Variants in CYB5A observed in about 807,000 individuals in gnomAD.
The protein encoded by CYB5A is cytochrome b5.
Under a neutral mutation model 16.2 loss-of-function variants are expected in CYB5A, and 10 were observed. The observed-to-expected ratio is 0.62, with a 90% confidence interval of 0.38 to 1.04. The LOEUF is 1.04. Ranked by LOEUF, CYB5A falls within the 50% of genes least tolerant of loss-of-function variation. The pLI is 0.01. For synonymous variants in CYB5A, 62 were observed against 57.0 expected, an observed-to-expected ratio of 1.09 and a Z score of -0.40; for missense variants, 161 against 165.9, an observed-to-expected ratio of 0.97 and a Z score of 0.16.
intron 1 of CYB5A, among the ~76,000 whole-genome samples, chr18:74,269,495 A>T (rs561161184): frequency 1.3e-5 from 2 of 152,246 alleles, no homozygotes; most frequent in South Asian, 4.2e-4. Context: ...GAAGAGCCCC[A>T]GGTCCCTCCC....
At chr18:74,255,492 A>C (rs1193265317) in intron 4 of CYB5A, among the ~76,000 whole-genome samples, 1 of 152,136 alleles carries the variant, frequency 6.6e-6, no homozygotes, top group Non-Finnish European at 1.5e-5. Flanking sequence ...AAGGAAATGC[A>C]ATTGTTCTGT....
At chr18:74,290,307 C>T (rs1429086553) in intron 1 of CYB5A, among the ~76,000 whole-genome samples, 1 of 152,104 alleles carries the variant, frequency 6.6e-6, no homozygotes, top group Non-Finnish European at 1.5e-5. Flanking sequence ...CAAAGTGGTG[C>T]GATTTCGGCT....
chr18:74,291,633 G>C, intron 1 of CYB5A, 114 bp downstream of exon 1: 1 of 1,497,546 alleles, frequency 6.7e-7, no homozygotes, highest in Non-Finnish European at 9.1e-7. Context: ...GAACTCGGGG[G>C]GCGCGCCTAG....
At chr18:74,285,810 C>T (rs1210336633) in intron 1 of CYB5A, among the ~76,000 whole-genome samples, 1 of 148,270 alleles carries the variant, frequency 6.7e-6, no homozygotes, top group Non-Finnish European at 1.5e-5. Context: ...TGAGATCACA[C>T]CACGGCCTGG....
At chr18:74,271,801 T>G (rs1483673481) in intron 1 of CYB5A, among the ~76,000 whole-genome samples, 3 of 152,120 alleles carry the variant, frequency 2.0e-5, no homozygotes, top group Admixed American at 1.3e-4. Context: ...CAAACAAAAC[T>G]ACTCTGGCAT....
chr18:74,279,498 C>T (rs1490891327), intron 1 of CYB5A, among the ~76,000 whole-genome samples: 1 of 152,060 alleles, frequency 6.6e-6, no homozygotes, highest in African/African-American at 2.4e-5. Flanking sequence ...CCACTGCACT[C>T]CAGCCTGGGC....
Position 74,252,860 on chromosome 18 carries a change from C to T in CYB5A, c.*724G>A, listed in dbSNP as rs1790869. The T allele has an allele frequency of 0.96, 146,963 of 152,390 alleles. 71,079 individuals carry two copies. Among genetic ancestry groups the T allele is most frequent in the East Asian group, 1 (5,178 of 5,178 alleles). The allele number at this position is 152,390 out of a possible 1,614,324, so 9.4% of individuals were successfully genotyped here. A position where few individuals can be genotyped will look rare whatever the true frequency, so the allele number is the denominator to read the frequency against. On this transcript the variant is annotated 3_prime_UTR_variant, in exon 5 of 5. Coordinates refer to ENST00000340533, the MANE Select transcript of CYB5A (RefSeq NM_148923.4). Reference sequence around the variant, plus strand: ...CCGGGATTACAGGCATGCGCCACTACGCCCTGCTAATTTTGTATTTTTAGT... The same window carrying T: ...CCGGGATTACAGGCATGCGCCACTATGCCCTGCTAATTTTGTATTTTTAGT...
intron 2 of CYB5A, 79 bp downstream of exon 2, chr18:74,263,270 C>A: frequency 6.4e-7 from 1 of 1,559,994 alleles, no homozygotes. Flanking sequence ...AATGTGTATA[C>A]ATGCAAGCTT....
intron 1 of CYB5A, among the ~76,000 whole-genome samples, chr18:74,286,781 A>AT (rs1429430555): frequency 6.6e-6 from 1 of 152,234 alleles, no homozygotes; most frequent in Non-Finnish European, 1.5e-5. Flanking sequence ...AATACCAGAC[A>AT]TTCACATTCA....
intron 1 of CYB5A, among the ~76,000 whole-genome samples, chr18:74,276,949 A>C (rs1479463610): frequency 2.6e-5 from 4 of 152,164 alleles, no homozygotes; most frequent in African/African-American, 9.7e-5. Flanking sequence ...TTTTCACCTA[A>C]ATGCAATGCT....
chr18:74,270,829 G>C (rs924386762), intron 1 of CYB5A, among the ~76,000 whole-genome samples: 1 of 152,130 alleles, frequency 6.6e-6, no homozygotes, highest in African/African-American at 2.4e-5. Flanking sequence ...GGACTCCCTG[G>C]AGCACACCTA....
intron 1 of CYB5A, among the ~76,000 whole-genome samples, chr18:74,276,755 C>T (rs1405512461): frequency 6.6e-6 from 1 of 152,154 alleles, no homozygotes; most frequent in African/African-American, 2.4e-5. Flanking sequence ...ACCAGGTCTC[C>T]TAACCACTGT....
chr18:74,282,413 G>T (rs559209280), intron 1 of CYB5A, among the ~76,000 whole-genome samples: 1 of 152,198 alleles, frequency 6.6e-6, no homozygotes, highest in East Asian at 1.9e-4. Context: ...GGAAAAAGGG[G>T]GAAAAAAATA....
At chr18:74,291,139 C>G (rs967379794) in intron 1 of CYB5A, 8 of 183,494 alleles carry the variant, frequency 4.4e-5, no homozygotes, top group Admixed American at 1.1e-4. Flanking sequence ...GACCTCCGCA[C>G]TTGGGGTCCC....
intron 1 of CYB5A, among the ~76,000 whole-genome samples, chr18:74,276,180 G>C (rs567296394): frequency 6.6e-6 from 1 of 152,152 alleles, no homozygotes; most frequent in East Asian, 1.9e-4. Context: ...AGGTGCAAAG[G>C]ACCTTCAGAG....
intron 1 of CYB5A, among the ~76,000 whole-genome samples, chr18:74,269,314 A>G (rs1433764505): frequency 1.7e-5 from 2 of 118,776 alleles, no homozygotes; most frequent in Admixed American, 1.9e-4. Context: ...GCTTGTGTTC[A>G]TCCAACCTTC....
intron 1 of CYB5A, among the ~76,000 whole-genome samples, chr18:74,278,183 C>T (rs1173376389): frequency 6.6e-6 from 1 of 152,110 alleles, no homozygotes; most frequent in Non-Finnish European, 1.5e-5. Flanking sequence ...AGGGGAGGCC[C>T]TGGGGAATGA....
intron 3 of CYB5A, 91 bp from the exon 4 acceptor site, chr18:74,255,866 T>C (rs1266294371): frequency 3.9e-6 from 4 of 1,018,164 alleles, no homozygotes; most frequent in African/African-American, 1.6e-5. Context: ...AAGAACACAA[T>C]ATTTTATGCA....
chr18:74,271,154 T>G (rs1476075903), intron 1 of CYB5A, among the ~76,000 whole-genome samples: 1 of 152,244 alleles, frequency 6.6e-6, no homozygotes, highest in Admixed American at 6.5e-5. Flanking sequence ...TCAAAATATT[T>G]TACTGTCTAC....
Sources: allele counts gnomAD v4.1 joint callset (sites outside exome capture counted in the v4.1 genomes callset), GRCh38; gene constraint gnomAD v4.1.1; transcripts MANE v1.5; gene names NCBI Gene and HGNC (gene_info 2026-07-23, HGNC 2026-07-21).